The following RNF220 variants were observed in gnomAD, a reference collection of about 807,000 sequenced individuals.
The protein encoded by RNF220 is ring finger protein 220.
RNF220 carries 7 observed loss-of-function variants against 67.1 expected under a neutral mutation model. The observed-to-expected ratio is 0.10, with a 90% CI of 0.06 to 0.20. The LOEUF is 0.20. RNF220 is among the 10% of genes least tolerant of loss of function. The pLI, the probability that RNF220 is intolerant of heterozygous loss-of-function variation, is 1.00. For synonymous variants in RNF220, 270 were observed against 283.2 expected (o/e 0.95, Z 0.47); for missense variants, 565 against 740.3 (o/e 0.76, Z 2.75).
intron 2 of RNF220, among the ~76,000 whole-genome samples, chr1:44,499,631 C>T (rs886177321): frequency 8.5e-5 from 13 of 152,082 alleles, no homozygotes; most frequent in Admixed American, 2.6e-4. Flanking sequence ...CTCCTTTATC[C>T]GCACTACCTT....
intron 9 of RNF220, 90 bp downstream of exon 9, chr1:44,644,884 AC>A: frequency 3.3e-6 from 5 of 1,516,070 alleles, no homozygotes; most frequent in East Asian, 2.3e-5. Flanking sequence ...CACCTGCACC[AC>A]CCCCCGGGCC....
At chr1:44,557,518 A>G (rs1200541104) in intron 2 of RNF220, among the ~76,000 whole-genome samples, 1 of 152,038 alleles carries the variant, frequency 6.6e-6, no homozygotes, top group Non-Finnish European at 1.5e-5. Flanking sequence ...CATAGTAGGC[A>G]CTCTGAACTG....
intron 2 of RNF220, among the ~76,000 whole-genome samples, chr1:44,539,528 C>G (rs1371708705): frequency 6.6e-6 from 1 of 152,100 alleles, no homozygotes; most frequent in African/African-American, 2.4e-5. Flanking sequence ...GGAGCTCAGG[C>G]TAATCATCAT....
At chr1:44,472,804 G>A (rs1034770830) in intron 2 of RNF220, among the ~76,000 whole-genome samples, 3 of 152,164 alleles carry the variant, frequency 2.0e-5, no homozygotes, top group Non-Finnish European at 4.4e-5. Flanking sequence ...CAACAATAGA[G>A]GATGTCAACC....
At position 44,593,453 on chromosome 1, in the gene RNF220, G is replaced by A. The variant is rs1358240500; in HGVS notation, c.626-20712G>A. 3.9e-5 allele frequency among the ~76,000 whole-genome samples: 6 copies of A among 152,326 alleles called. No individual in the cohort carries two copies. In the East Asian group the frequency reaches 1.2e-3, roughly 29 times the overall value. ...ATCAATAATAATAACAGGCCAGGGT[G>A]GTGCCTCATGTCTGTAATCCCAGCA... is the stretch of plus-strand genomic sequence containing the variant. On this transcript the variant is annotated intron_variant, in intron 2 of 14. Transcript: ENST00000361799.
At chr1:44,520,070 T>C (rs577729256) in intron 2 of RNF220, among the ~76,000 whole-genome samples, 1 of 146,442 alleles carries the variant, frequency 6.8e-6, no homozygotes, top group Non-Finnish European at 1.5e-5. Context: ...GGTAAGAAGA[T>C]GCTGAAGTCC....
At position 44,412,590 on chromosome 1, in the gene RNF220, T is replaced by A; in HGVS notation, c.493T>A (p.Phe165Ile). 6.2e-7 allele frequency: 1 copy of A among 1,614,170 alleles called. No homozygotes were observed. Among genetic ancestry groups the A allele is most frequent in the Middle Eastern group, 1.6e-4 (1 of 6,062 alleles). ...AGATGCAGATGGCAAGGAATATGAC[T>A]TTGGGACACAGCTGCCATCTAGCTC... ...FSDADGKEYD[F>I]GTQLPSSSPG... The change falls in exon 2 of 15, where the codon TTT (phenylalanine) becomes ATT (isoleucine). Residue 165 changes from phenylalanine (F) to isoleucine (I), a missense_variant. By Grantham distance (21) the Phe-to-Ile change is conservative. Transcript: ENST00000361799. This position sits in a 1 kb window ranked among gnomAD's most constrained non-coding sequence, Gnocchi z 5.3.
intron 2 of RNF220, among the ~76,000 whole-genome samples, chr1:44,482,700 C>A (rs1187888286): frequency 6.6e-6 from 1 of 152,074 alleles, no homozygotes; most frequent in African/African-American, 2.4e-5. Flanking sequence ...CAGCTCACTG[C>A]AACCTCTGCC....
At position 44,606,162 on chromosome 1, in the gene RNF220, G is replaced by A. The variant is rs1455752768; in HGVS notation, c.626-8003G>A. Among the ~76,000 whole-genome samples, 3 of 152,236 alleles carry A rather than the reference G, an allele frequency of 2.0e-5. No homozygotes were observed. Among genetic ancestry groups the A allele is most frequent in the Non-Finnish European group, 4.4e-5 (3 of 68,040 alleles). ...CAGACAAGTGTATTACACGGATAAT[G>A]TATTTGACGTATTAATAAAACCAGC... On this transcript the variant is annotated intron_variant, in intron 2 of 14. Coordinates refer to ENST00000361799, the MANE Select transcript of RNF220 (RefSeq NM_018150.4). The surrounding 1 kb of genome is among the most constrained non-coding windows in gnomAD (Gnocchi z 4.2).
chr1:44,601,149 A>G (rs1666892309), intron 2 of RNF220, among the ~76,000 whole-genome samples: 2 of 152,298 alleles, frequency 1.3e-5, no homozygotes, highest in South Asian at 2.1e-4. Flanking sequence ...ACAAATATTT[A>G]TTGGGCTAAT....
chr1:44,587,348 T>C (rs959427853), intron 2 of RNF220, among the ~76,000 whole-genome samples: 1 of 152,074 alleles, frequency 6.6e-6, no homozygotes, highest in Non-Finnish European at 1.5e-5. Context: ...GGTTTCACCA[T>C]GTTGGCCAGG....
At chr1:44,432,616 A>G (rs1478589543) in intron 2 of RNF220, among the ~76,000 whole-genome samples, 1 of 151,954 alleles carries the variant, frequency 6.6e-6, no homozygotes. Flanking sequence ...CCCAGGCTGG[A>G]GTGCAGTGGC....
At chr1:44,485,460 C>T (rs752904491) in intron 2 of RNF220, among the ~76,000 whole-genome samples, 1 of 152,148 alleles carries the variant, frequency 6.6e-6, no homozygotes, top group African/African-American at 2.4e-5. Context: ...TAGAATTTTT[C>T]CAACATCATT....
intron 2 of RNF220, among the ~76,000 whole-genome samples, chr1:44,543,743 A>G (rs1232873522): frequency 6.6e-6 from 1 of 152,140 alleles, no homozygotes; most frequent in African/African-American, 2.4e-5. Context: ...TTCAGGAGTC[A>G]ATCCCAGAAC....
intron 5 of RNF220, among the ~76,000 whole-genome samples, chr1:44,630,567 AG>A (rs1246384025): frequency 1.3e-5 from 2 of 152,262 alleles, no homozygotes; most frequent in Middle Eastern, 3.2e-3. Context: ...TCCAAGTACA[AG>A]GGACAGATAT....
At chr1:44,564,994 C>T (rs1663883168) in intron 2 of RNF220, among the ~76,000 whole-genome samples, 2 of 150,988 alleles carry the variant, frequency 1.3e-5, no homozygotes, top group South Asian at 2.1e-4. Flanking sequence ...TTATCCCCTG[C>T]ACATAGCATG....
chr1:44,418,658 C>CA (rs1648866566), intron 2 of RNF220, among the ~76,000 whole-genome samples: 1 of 151,356 alleles, frequency 6.6e-6, no homozygotes, highest in Non-Finnish European at 1.5e-5. Flanking sequence ...AAAAAACACA[C>CA]ACACATTGTA....
At chr1:44,603,361 G>A (rs34911704) in intron 2 of RNF220, among the ~76,000 whole-genome samples, 11,517 of 152,264 alleles carry the variant, frequency 0.076, 519 homozygotes, top group Non-Finnish European at 0.1. Context: ...AGGACCCACT[G>A]CCCCCACCTT....
At chr1:44,598,736 TG>T (rs1666715941) in intron 2 of RNF220, among the ~76,000 whole-genome samples, 2 of 152,192 alleles carry the variant, frequency 1.3e-5, no homozygotes, top group Non-Finnish European at 2.9e-5. Flanking sequence ...ACATGGTCAC[TG>T]GTCACCCATT....
Sources: allele counts gnomAD v4.1 joint callset (sites outside exome capture counted in the v4.1 genomes callset), GRCh38; gene constraint gnomAD v4.1.1; non-coding constraint Gnocchi (gnomAD v3.1); transcripts MANE v1.5; gene names NCBI Gene and HGNC (gene_info 2026-07-23, HGNC 2026-07-21).